Variants in TOX observed in about 807,000 individuals in gnomAD.
TOX encodes the protein thymocyte selection-associated high mobility group box protein TOX.
In TOX, 11 loss-of-function variants were observed where a neutral mutation model predicts 53.7. The observed-to-expected ratio is 0.20, with a 90% CI of 0.13 to 0.34. The LOEUF (loss-of-function observed/expected upper bound fraction) is 0.34. TOX is among the 10% of genes least tolerant of loss of function. The pLI is 1.00. For synonymous variants in TOX, 225 were observed against 245.3 expected (o/e 0.92, Z 0.77); for missense variants, 570 against 664.6 (o/e 0.86, Z 1.56).
At chr8:58,842,682 T>C (rs1406749191) in intron 4 of TOX, among the ~76,000 whole-genome samples, 1 of 152,222 alleles carries the variant, frequency 6.6e-6, no homozygotes, top group Non-Finnish European at 1.5e-5. Context: ...GTCATCCTCT[T>C]GCATTTGACA....
intron 1 of TOX, among the ~76,000 whole-genome samples, chr8:59,078,856 C>T (rs1028245023): frequency 1.3e-5 from 2 of 152,204 alleles, no homozygotes; most frequent in African/African-American, 4.8e-5. Flanking sequence ...GACCAAAATG[C>T]TGACGGAGAT....
rs1369456216 is a variant in TOX, at chr8:58,805,845, T to C, written c.*1902A>G. ...ATGGATCTGCATTATTTATTAGTTATTACATGCTCAAGTGATTCAAGGTTG... is the reference window on the plus strand; with the variant it reads ...ATGGATCTGCATTATTTATTAGTTACTACATGCTCAAGTGATTCAAGGTTG... On this transcript the variant is annotated 3_prime_UTR_variant, in exon 9 of 9. Transcript: ENST00000361421. 6.6e-6 allele frequency: 1 copy of C among 152,652 alleles called. No individual in the cohort carries two copies. Among genetic ancestry groups the C allele is most frequent in the African/African-American group, 2.4e-5 (1 of 41,464 alleles). The allele number at this position is 152,652 out of a possible 1,614,324, so 9.5% of individuals were successfully genotyped here.
chr8:58,852,367 A>G (rs1279084544), intron 3 of TOX, among the ~76,000 whole-genome samples: 1 of 152,200 alleles, frequency 6.6e-6, no homozygotes, highest in Non-Finnish European at 1.5e-5. Context: ...ACCAGACTCA[A>G]AACACTGATA....
At chr8:59,029,526 A>G (rs1320014177) in intron 1 of TOX, among the ~76,000 whole-genome samples, 1 of 152,150 alleles carries the variant, frequency 6.6e-6, no homozygotes, top group East Asian at 1.9e-4. Flanking sequence ...TATGACATCA[A>G]TCCTCATTAA....
intron 3 of TOX, among the ~76,000 whole-genome samples, chr8:58,920,721 T>TAAAAAAAAAAA (rs5891703): frequency 8.6e-5 from 7 of 80,998 alleles, no homozygotes; most frequent in Non-Finnish European, 1.1e-4. Context: ...AAAAAAACAT[T>TAAAAAAAAAAA]AAAAAAAAAA....
chr8:59,050,372 A>G (rs1282318015), intron 1 of TOX, among the ~76,000 whole-genome samples: 3 of 152,120 alleles, frequency 2.0e-5, no homozygotes, highest in Non-Finnish European at 4.4e-5. Flanking sequence ...TGAACCACAC[A>G]TGACTACTCA....
intron 3 of TOX, among the ~76,000 whole-genome samples, chr8:58,874,172 GTGC>G (rs1392707741): frequency 1.3e-5 from 2 of 151,446 alleles, no homozygotes; most frequent in Non-Finnish European, 2.9e-5. Flanking sequence ...TGCTGGAAGT[GTGC>G]TAACAGGCCC....
At chr8:58,963,352 TAGAC>T (rs945802884) in intron 1 of TOX, among the ~76,000 whole-genome samples, 22 of 152,246 alleles carry the variant, frequency 1.4e-4, no homozygotes, top group South Asian at 6.2e-4. Flanking sequence ...GGTAGATAGA[TAGAC>T]AGACAGATAC....
intron 3 of TOX, among the ~76,000 whole-genome samples, chr8:58,889,155 T>C (rs1247955088): frequency 2.0e-5 from 3 of 149,410 alleles, no homozygotes; most frequent in Middle Eastern, 3.2e-3. Flanking sequence ...ACTGCTGCAC[T>C]TACACTCATA....
At chr8:58,967,662 C>T (rs892385750) in intron 1 of TOX, among the ~76,000 whole-genome samples, 1 of 152,198 alleles carries the variant, frequency 6.6e-6, no homozygotes, top group Non-Finnish European at 1.5e-5. Context: ...AGGACTGGCT[C>T]ATGATGTCCT....
chr8:59,086,573 T>A (rs1804513577), intron 1 of TOX, among the ~76,000 whole-genome samples: 1 of 152,186 alleles, frequency 6.6e-6, no homozygotes. Context: ...GGACGTAAAA[T>A]CATTCAATTC....
At chr8:58,965,628 A>T (rs1812880247) in intron 1 of TOX, among the ~76,000 whole-genome samples, 1 of 152,156 alleles carries the variant, frequency 6.6e-6, no homozygotes, top group Non-Finnish European at 1.5e-5. Context: ...GAGGGGGAAA[A>T]ACAGCCTCAT....
chr8:59,077,571 G>T (rs1178900095), intron 1 of TOX, among the ~76,000 whole-genome samples: 1 of 152,132 alleles, frequency 6.6e-6, no homozygotes, highest in Non-Finnish European at 1.5e-5. Context: ...TACACATGCA[G>T]CCCCCTTCTG....
chr8:58,827,956 A>C (rs17214661), intron 5 of TOX, among the ~76,000 whole-genome samples: 2,163 of 152,326 alleles, frequency 0.014, 22 homozygotes, highest in South Asian at 0.029. Flanking sequence ...CAGCTATTTT[A>C]AATTTCCCAC....
At chr8:58,994,064 G>A (rs1451717298) in intron 1 of TOX, among the ~76,000 whole-genome samples, 1 of 152,124 alleles carries the variant, frequency 6.6e-6, no homozygotes, top group Non-Finnish European at 1.5e-5. Flanking sequence ...CCTGAGCCAG[G>A]TCTAAAACAG....
At chr8:59,030,787 C>G (rs949134761) in intron 1 of TOX, among the ~76,000 whole-genome samples, 1 of 152,168 alleles carries the variant, frequency 6.6e-6, no homozygotes, top group Non-Finnish European at 1.5e-5. Context: ...AGGATTTCCT[C>G]TGTTAACTTT....
intron 3 of TOX, among the ~76,000 whole-genome samples, chr8:58,936,422 T>C (rs147409629): frequency 2.0e-5 from 3 of 152,286 alleles, no homozygotes; most frequent in Admixed American, 6.5e-5. Flanking sequence ...TTGCCCCATG[T>C]TTCTAATTGT....
chr8:58,873,471 CCAAA>C (rs1270256865), intron 3 of TOX, among the ~76,000 whole-genome samples: 1 of 152,036 alleles, frequency 6.6e-6, no homozygotes, highest in Admixed American at 6.6e-5. Flanking sequence ...AAACATGGAC[CCAAA>C]CAGTCAGTTG....
intron 3 of TOX, among the ~76,000 whole-genome samples, chr8:58,897,102 G>A (rs2129172416): frequency 6.6e-6 from 1 of 152,128 alleles, no homozygotes; most frequent in East Asian, 1.9e-4. Context: ...TTGACGGTTT[G>A]AAATAAAAGG....
Sources: gnomAD v4.1 joint callset for allele counts (sites outside exome capture counted in the v4.1 genomes callset) on GRCh38, gnomAD v4.1.1 for gene constraint, MANE v1.5 for transcripts, NCBI Gene and HGNC (gene_info 2026-07-23, HGNC 2026-07-21) for gene names.